PDPR: variants seen among roughly 807,000 people sequenced by gnomAD.
The protein encoded by PDPR is pyruvate dehydrogenase phosphatase regulatory subunit, mitochondrial.
In PDPR, 50 loss-of-function variants were observed where a neutral mutation model predicts 102.2. The ratio of observed to expected loss-of-function variants is 0.49; its 90% CI spans 0.39 to 0.62. PDPR has a LOEUF of 0.62. Among genes scored for constraint, PDPR ranks in the 20% least tolerant of loss-of-function variants. The pLI is 0.00. For missense variants in PDPR, 625 were observed against 1,098.2 expected (o/e 0.57, Z 6.09); for synonymous variants, 259 against 406.0 (o/e 0.64, Z 4.35).
At position 70,160,289 on chromosome 16, in the gene PDPR, A is replaced by G. The variant is rs1340249398; in HGVS notation, c.*3410A>G. 4.6e-5 allele frequency: 7 copies of G among 152,776 alleles called. No homozygotes were observed. The highest frequency in any genetic ancestry group is 1.4e-4 in the African/African-American group (6 of 41,490). 9.5% of individuals were successfully genotyped at this position (152,776 alleles called of 1,614,324 possible). On this transcript the variant is annotated 3_prime_UTR_variant, in exon 19 of 19. Transcript: ENST00000288050. ...TTCTGTGATCATTGGTACTGAAGCC[A>G]GAAAAGCTCTCATTCAGGAACTCTG... is the stretch of plus-strand genomic sequence containing the variant.
chr16:70,156,327 C>A (rs916597175), intron 18 of PDPR, 148 bp from the exon 19 acceptor site: 1 of 948,146 alleles, frequency 1.1e-6, no homozygotes, highest in Non-Finnish European at 1.5e-6. Flanking sequence ...TGGTAGAAAT[C>A]GCACAGTTTC....
At chr16:70,149,800 C>CTTTTTTTTTT (rs548680781) in intron 17 of PDPR, among the ~76,000 whole-genome samples, 2 of 152,108 alleles carry the variant, frequency 1.3e-5, no homozygotes, top group African/African-American at 4.8e-5. Context: ...TCTCCAGAAC[C>CTTTTTTTTTT]TTTTTTTTGA....
intron 3 of PDPR, among the ~76,000 whole-genome samples, chr16:70,121,122 TAA>T (rs1287501646): frequency 1.3e-5 from 2 of 151,972 alleles, no homozygotes. Context: ...TTTGCGTTTG[TAA>T]ATAATGTGGA....
intron 3 of PDPR, among the ~76,000 whole-genome samples, chr16:70,126,363 A>AT (rs1257080293): frequency 8.0e-4 from 121 of 152,062 alleles, no homozygotes; most frequent in African/African-American, 2.6e-3. Context: ...TTTTATCTTT[A>AT]TTTTTTTTAC....
At chr16:70,149,000 C>T (rs1205941044) in intron 17 of PDPR, among the ~76,000 whole-genome samples, 3 of 151,760 alleles carry the variant, frequency 2.0e-5, no homozygotes, top group Non-Finnish European at 2.9e-5. Context: ...GCTCAAGCCA[C>T]CCTCCCACCT....
rs1171171542 is a variant in PDPR, at chr16:70,161,315, T to G, written c.*4436T>G. The G allele has an allele frequency of 3.3e-5, 5 of 152,456 alleles. No individual in the cohort carries two copies. Among genetic ancestry groups the G allele is most frequent in the African/African-American group, 9.7e-5 (4 of 41,316 alleles). 9.4% of individuals were successfully genotyped at this position (152,456 alleles called of 1,614,324 possible). ...AAAAAAAAAAATCTAAGATAGAGGT[T>G]TGGTCAACAGTGCTTAATAATAAAT... On this transcript the variant is annotated 3_prime_UTR_variant, in exon 19 of 19. Transcript: ENST00000288050.
Position 70,131,501 on chromosome 16 carries a change from C to T in PDPR, c.847+82C>T, listed in dbSNP as rs539797081. Reference sequence around the variant, plus strand: ...GAAAAGGAAAACTTTCTGCTAAGGACAGCCTGTGTCTGAAAGAGTCTTTCA... The same window carrying T: ...GAAAAGGAAAACTTTCTGCTAAGGATAGCCTGTGTCTGAAAGAGTCTTTCA... On this transcript the variant is annotated intron_variant, in intron 8 of 18. Coordinates refer to ENST00000288050, the MANE Select transcript of PDPR (RefSeq NM_017990.5). 2.3e-5 allele frequency: 31 copies of T among 1,343,572 alleles called. No homozygotes were observed. The African/African-American group carries it at 4.0e-4, about 17-fold the overall frequency. The allele number at this position is 1,343,572 out of a possible 1,614,324, so 83.2% of individuals were successfully genotyped here. A position where few individuals can be genotyped will look rare whatever the true frequency, so the allele number is the denominator to read the frequency against.
chr16:70,163,119 TTGTATTTTCGTAGAGACGGGG>T (rs560474733), downstream of PDPR, among the ~76,000 whole-genome samples: 373 of 152,250 alleles, frequency 2.4e-3, no homozygotes, highest in Middle Eastern at 0.01. Flanking sequence ...CAGCTAATTT[TTGTATTTTCGTAGAGACGGGG>T]TTTCGCCAGG....
At chr16:70,123,728 T>C (rs1270514373) in intron 3 of PDPR, among the ~76,000 whole-genome samples, 4 of 152,276 alleles carry the variant, frequency 2.6e-5, no homozygotes, top group Admixed American at 2.0e-4. Context: ...AGAATTGATA[T>C]AAGGCAGACT....
chr16:70,121,003 T>TGA (rs1963206374), intron 3 of PDPR, among the ~76,000 whole-genome samples: 1 of 148,120 alleles, frequency 6.8e-6, no homozygotes, highest in Admixed American at 6.9e-5. Flanking sequence ...TTACCCAGGC[T>TGA]GAGCTTGAAT....
intron 3 of PDPR, among the ~76,000 whole-genome samples, chr16:70,126,449 C>T (rs1254917303): frequency 6.6e-6 from 1 of 152,250 alleles, no homozygotes; most frequent in South Asian, 2.1e-4. Context: ...CTGCAAGCTC[C>T]ACCTCCCGGG....
intron 11 of PDPR, among the ~76,000 whole-genome samples, chr16:70,139,484 C>T (rs1293213399): frequency 2.6e-5 from 4 of 152,270 alleles, no homozygotes; most frequent in African/African-American, 4.8e-5. Flanking sequence ...CCGAGTTATT[C>T]TCAGAGCTTC....
chr16:70,123,351 C>T (rs1342707169), intron 3 of PDPR, among the ~76,000 whole-genome samples: 2 of 152,260 alleles, frequency 1.3e-5, no homozygotes, highest in Non-Finnish European at 2.9e-5. Context: ...ATCCTCCCAC[C>T]ACAGCCTCCT....
chr16:70,127,032 GA>G (rs1964047068), intron 3 of PDPR, among the ~76,000 whole-genome samples: 1 of 152,244 alleles, frequency 6.6e-6, no homozygotes, highest in African/African-American at 2.4e-5. Flanking sequence ...GTTGTTGGTA[GA>G]GATGGGTTCT....
rs1269797790 is a variant in PDPR at position 70,132,312 on chromosome 16, G to C, written c.997+12G>C. 6.2e-6 allele frequency: 10 copies of C among 1,609,278 alleles called. No individual in the cohort carries two copies. Among genetic ancestry groups the C allele is most frequent in the Non-Finnish European group, 6.8e-6 (8 of 1,175,912 alleles). On this transcript the variant is annotated intron_variant, in intron 9 of 18. Transcript: ENST00000288050. ...CTGGGATCACTTTGGTATGTGAACTGCATTATAACCGTAGTGCCTTATATT... is the reference window on the plus strand; with the variant it reads ...CTGGGATCACTTTGGTATGTGAACTCCATTATAACCGTAGTGCCTTATATT...
intron 18 of PDPR, 67 bp from the exon 19 acceptor site, chr16:70,156,408 C>T (rs544773983): frequency 1.1e-4 from 169 of 1,562,468 alleles, no homozygotes; most frequent in African/African-American, 9.2e-4. Flanking sequence ...ACCCTTCCCA[C>T]GGTGCTGCTC....
chr16:70,139,306 C>T (rs1965481716), intron 11 of PDPR, among the ~76,000 whole-genome samples: 1 of 152,232 alleles, frequency 6.6e-6, no homozygotes, highest in East Asian at 1.9e-4. Flanking sequence ...CTAAGCAATG[C>T]CTTCTTCCCG....
At chr16:70,137,031 T>C (rs1272244227) in intron 10 of PDPR, among the ~76,000 whole-genome samples, 263 of 150,564 alleles carry the variant, frequency 1.7e-3, no homozygotes, top group African/African-American at 5.8e-3. Context: ...GATGAGCCAC[T>C]GTGCCCGGCC....
At position 70,162,066 on chromosome 16, in the gene PDPR, G is replaced by C. The variant is rs559030826; in HGVS notation, c.*5187G>C. ...AATGTCAGATGGTGGGTGCAGATTG[G>C]AAGAAAGAGAAAAGTTCATCTCGGT... On this transcript the variant is annotated 3_prime_UTR_variant, in exon 19 of 19. Transcript: ENST00000288050. 6.6e-6 allele frequency: 1 copy of C among 152,432 alleles called. No homozygotes were observed. The highest frequency in any genetic ancestry group is 1.5e-5 in the Non-Finnish European group (1 of 68,168). The allele number at this position is 152,432 out of a possible 1,614,324, so 9.4% of individuals were successfully genotyped here. A position where few individuals can be genotyped will look rare whatever the true frequency, so the allele number is the denominator to read the frequency against.
Sources: gnomAD v4.1 joint callset for allele counts (sites outside exome capture counted in the v4.1 genomes callset) on GRCh38, gnomAD v4.1.1 for gene constraint, MANE v1.5 for transcripts, NCBI Gene and HGNC (gene_info 2026-07-23, HGNC 2026-07-21) for gene names.